Variants in NWD2 observed in about 807,000 individuals in gnomAD.
The protein encoded by NWD2 is NACHT and WD repeat domain containing 2, also known as NACHT and WD repeat domain-containing protein 2.
NWD2 carries 37 observed loss-of-function variants against 132.7 expected under a neutral mutation model. The ratio of observed to expected loss-of-function variants is 0.28; its 90% CI spans 0.21 to 0.37. The LOEUF is 0.37. Ranked by LOEUF, NWD2 falls within the 10% of genes least tolerant of loss-of-function variation. The pLI is 1.00. For missense variants in NWD2, 1,592 were observed against 2,122.4 expected, an observed-to-expected ratio of 0.75 and a Z score of 4.91; for synonymous variants, 705 against 803.0, an observed-to-expected ratio of 0.88 and a Z score of 2.06.
chr4:37,362,015 A>G (rs1232841330), intron 3 of NWD2, among the ~76,000 whole-genome samples: 2 of 152,178 alleles, frequency 1.3e-5, no homozygotes, highest in African/African-American at 4.8e-5. Context: ...ACATTTCTAT[A>G]CACCCATAAC....
chr4:37,343,009 CA>C (rs1369550570), intron 2 of NWD2, among the ~76,000 whole-genome samples: 2 of 152,146 alleles, frequency 1.3e-5, no homozygotes, highest in Non-Finnish European at 2.9e-5. Context: ...ACTCAGTATT[CA>C]CAATAGTTCT....
chr4:37,331,707 G>A (rs372335700), intron 2 of NWD2, among the ~76,000 whole-genome samples: 3 of 152,144 alleles, frequency 2.0e-5, no homozygotes, highest in Non-Finnish European at 2.9e-5. Flanking sequence ...ACACAAAATA[G>A]CATGAGAACC....
At chr4:37,440,146 G>T (rs1368642474) in intron 6 of NWD2, among the ~76,000 whole-genome samples, 1 of 152,048 alleles carries the variant, frequency 6.6e-6, no homozygotes, top group East Asian at 1.9e-4. Flanking sequence ...ACCTACAGTT[G>T]CCTAGACACA....
chr4:37,318,764 A>T (rs1719010760), intron 1 of NWD2, among the ~76,000 whole-genome samples: 1 of 152,056 alleles, frequency 6.6e-6, no homozygotes, highest in African/African-American at 2.4e-5. Context: ...TTCACTTAGA[A>T]TGATGGCATC....
At chr4:37,359,344 G>A (rs1305731155) in intron 3 of NWD2, among the ~76,000 whole-genome samples, 3 of 151,892 alleles carry the variant, frequency 2.0e-5, no homozygotes, top group Non-Finnish European at 2.9e-5. Flanking sequence ...TCACCCCAGC[G>A]ATCCTAAATC....
rs551211327 is a variant in NWD2 at position 37,389,565 on chromosome 4, G to A, written c.357+33083G>A. ...TGACTGAGAGCTTTTCATGTTAGTC[G>A]TTCTGGCGCTCAGTTTCCTCAGCTG... is the stretch of plus-strand genomic sequence containing the variant. On this transcript the variant is annotated intron_variant, in intron 3 of 6. Transcript: ENST00000309447. 2.4e-3 allele frequency among the ~76,000 whole-genome samples: 366 copies of A among 152,154 alleles called. 2 individuals carry two copies. Among genetic ancestry groups the A allele is most frequent in the Non-Finnish European group, 4.1e-3 (282 of 68,006 alleles).
At chr4:37,371,081 T>TTC (rs1553896084) in intron 3 of NWD2, among the ~76,000 whole-genome samples, 3 of 141,582 alleles carry the variant, frequency 2.1e-5, no homozygotes, top group East Asian at 2.0e-4. Flanking sequence ...TCTTTTTCTT[T>TTC]TTTTTTTTTT....
intron 3 of NWD2, among the ~76,000 whole-genome samples, chr4:37,363,251 A>G (rs1281073442): frequency 1.3e-5 from 2 of 152,156 alleles, no homozygotes; most frequent in African/African-American, 4.8e-5. Flanking sequence ...CAGTTTGGAG[A>G]TTTCTGAAAG....
At chr4:37,278,457 CCCTAA>C (rs1177881145) in intron 1 of NWD2, among the ~76,000 whole-genome samples, 2 of 152,178 alleles carry the variant, frequency 1.3e-5, no homozygotes, top group Non-Finnish European at 2.9e-5. Context: ...TCGTGGCTTA[CCCTAA>C]CCTGGTGGAA....
intron 1 of NWD2, among the ~76,000 whole-genome samples, chr4:37,319,378 T>A (rs1345428769): frequency 6.6e-6 from 1 of 152,220 alleles, no homozygotes; most frequent in African/African-American, 2.4e-5. Flanking sequence ...ATATTAGACA[T>A]TTGTCAGATG....
chr4:37,400,444 C>G (rs1720877192), intron 3 of NWD2, among the ~76,000 whole-genome samples: 1 of 152,182 alleles, frequency 6.6e-6, no homozygotes, highest in African/African-American at 2.4e-5. Flanking sequence ...TATATTTCCT[C>G]CCTTGAGTGA....
chr4:37,340,236 C>A (rs1719491867), intron 2 of NWD2, among the ~76,000 whole-genome samples: 1 of 152,162 alleles, frequency 6.6e-6, no homozygotes, highest in Non-Finnish European at 1.5e-5. Context: ...TGTCACATTT[C>A]TGTCTTTGCA....
intron 3 of NWD2, among the ~76,000 whole-genome samples, chr4:37,383,964 A>T (rs1209858028): frequency 2.0e-5 from 3 of 151,602 alleles, no homozygotes; most frequent in African/African-American, 7.3e-5. Context: ...TTTTTATTTA[A>T]TTTTTTTATA....
intron 2 of NWD2, among the ~76,000 whole-genome samples, chr4:37,351,411 G>C (rs933806662): frequency 6.6e-6 from 1 of 152,074 alleles, no homozygotes; most frequent in Non-Finnish European, 1.5e-5. Flanking sequence ...GACTTGGGAG[G>C]CTGTATGTGT....
intron 1 of NWD2, among the ~76,000 whole-genome samples, chr4:37,254,731 TAAA>T (rs34509105): frequency 6.6e-6 from 1 of 151,974 alleles, no homozygotes; most frequent in Non-Finnish European, 1.5e-5. Flanking sequence ...AGAAAGTTAA[TAAA>T]AAAAGATGAA....
intron 3 of NWD2, among the ~76,000 whole-genome samples, chr4:37,421,102 C>T (rs563548555): frequency 2.6e-5 from 4 of 152,132 alleles, no homozygotes; most frequent in African/African-American, 9.7e-5. Flanking sequence ...CCACCATGCC[C>T]GGCTAATTTG....
chr4:37,401,185 T>C (rs1163386558), intron 3 of NWD2, among the ~76,000 whole-genome samples: 1 of 152,176 alleles, frequency 6.6e-6, no homozygotes, highest in Non-Finnish European at 1.5e-5. Flanking sequence ...TTATCTGTGC[T>C]CTCTTTCCTC....
chr4:37,267,787 TTAA>T (rs1376569580), intron 1 of NWD2, among the ~76,000 whole-genome samples: 1 of 151,908 alleles, frequency 6.6e-6, no homozygotes, highest in African/African-American at 2.4e-5. Flanking sequence ...ATTACAACAA[TTAA>T]TAATAAGTGG....
intron 1 of NWD2, among the ~76,000 whole-genome samples, chr4:37,284,410 C>T (rs1009881085): frequency 6.6e-6 from 1 of 152,174 alleles, no homozygotes; most frequent in Admixed American, 6.5e-5. Context: ...TGGAAGGGCA[C>T]AAACATTCAG....
Sources: allele counts gnomAD v4.1 joint callset (sites outside exome capture counted in the v4.1 genomes callset), GRCh38; gene constraint gnomAD v4.1.1; transcripts MANE v1.5; gene names NCBI Gene and HGNC (gene_info 2026-07-23, HGNC 2026-07-21).